CTNNA3: variants seen among roughly 807,000 people sequenced by gnomAD.
CTNNA3 encodes catenin alpha 3, also known as catenin alpha-3.
Under a neutral mutation model 95.7 loss-of-function variants are expected in CTNNA3, and 76 were observed. That is an observed-to-expected ratio of 0.79 (90% CI 0.66 to 0.96). The LOEUF (loss-of-function observed/expected upper bound fraction) is 0.96, where lower values mean the gene tolerates loss of function less well. Among genes scored for constraint, CTNNA3 ranks in the 40% least tolerant of loss-of-function variants. The probability of loss-of-function intolerance (pLI) is 0.00; values close to 1 mark genes in which losing one functional copy is unlikely to be tolerated. For missense variants in CTNNA3, 1,191 were observed against 1,089.8 expected (o/e 1.09, Z -1.31); for synonymous variants, 431 against 374.4 (o/e 1.15, Z -1.74).
At chr10:66,393,944 A>G (rs1447186902) in intron 11 of CTNNA3, among the ~76,000 whole-genome samples, 5 of 152,060 alleles carry the variant, frequency 3.3e-5, no homozygotes. Context: ...TCTGACTTCA[A>G]GATAAGGTGA....
intron 9 of CTNNA3, among the ~76,000 whole-genome samples, chr10:66,677,234 C>T (rs1846890537): frequency 6.6e-6 from 1 of 151,452 alleles, no homozygotes; most frequent in Non-Finnish European, 1.5e-5. Context: ...AATTGTTCAG[C>T]ATATTATTTA....
chr10:67,660,462 T>C (rs1840146762), intron 1 of CTNNA3, among the ~76,000 whole-genome samples: 1 of 151,970 alleles, frequency 6.6e-6, no homozygotes, highest in African/African-American at 2.4e-5. Context: ...CAATTTGCTG[T>C]GGAATTACAC....
intron 7 of CTNNA3, among the ~76,000 whole-genome samples, chr10:66,943,870 C>A (rs1848149391): frequency 6.6e-6 from 1 of 152,152 alleles, no homozygotes; most frequent in African/African-American, 2.4e-5. Context: ...GTCAAAGAAA[C>A]AATGTGCTTA....
intron 7 of CTNNA3, among the ~76,000 whole-genome samples, chr10:66,870,150 A>C (rs919126480): frequency 2.0e-5 from 3 of 152,070 alleles, no homozygotes; most frequent in African/African-American, 7.2e-5. Context: ...ATTTTTTTTT[A>C]AACTTCATTA....
At chr10:66,136,586 T>A (rs1475843649) in intron 13 of CTNNA3, among the ~76,000 whole-genome samples, 1 of 152,184 alleles carries the variant, frequency 6.6e-6, no homozygotes, top group Non-Finnish European at 1.5e-5. Context: ...TCCATCACTT[T>A]CTGACAATCA....
chr10:66,038,639 A>G (rs2079616814), intron 15 of CTNNA3, among the ~76,000 whole-genome samples: 1 of 152,192 alleles, frequency 6.6e-6, no homozygotes, highest in South Asian at 2.1e-4. Flanking sequence ...TGAATGTGTG[A>G]GAGCTTTCAA....
intron 2 of CTNNA3, among the ~76,000 whole-genome samples, chr10:67,627,242 T>C (rs1838989377): frequency 6.6e-6 from 1 of 152,120 alleles, no homozygotes; most frequent in Non-Finnish European, 1.5e-5. Flanking sequence ...CCCAACATTG[T>C]CTTCACAAGT....
rs1267563746 is a variant in CTNNA3 at position 66,537,583 on chromosome 10, AAATT to A, written c.1375-16814_1375-16811del. On this transcript the variant is annotated intron_variant, in intron 10 of 17. Coordinates refer to ENST00000433211, the MANE Select transcript of CTNNA3 (RefSeq NM_013266.4). ...AAATGTATTTATAATAATTATAAAT[AAATT>A]GTTATAATTTTATTTTTAATTTATA... Among the ~76,000 whole-genome samples, 19 of 149,230 alleles carry A rather than the reference AAATT, an allele frequency of 1.3e-4. No individual in the cohort carries two copies. In the East Asian group the frequency reaches 2.9e-3, roughly 23 times the overall value.
rs117241200 is a variant in CTNNA3, at chr10:66,273,477, C to A, written c.1884+6993G>T. On this transcript the variant is annotated intron_variant, in intron 13 of 17. Coordinates refer to ENST00000433211, the MANE Select transcript of CTNNA3 (RefSeq NM_013266.4). ...ATAAGTGAAACCATGAAAATCAAAA[C>A]CATGAATAAGGGGATGTCTACTTCT... Among the ~76,000 whole-genome samples the A allele has an allele frequency of 4.5e-4, 68 of 152,218 alleles. 1 individual carries two copies. In the East Asian group the frequency reaches 0.012, roughly 28 times the overall value.
chr10:66,775,652 T>C (rs1258965317), intron 7 of CTNNA3, 128 bp from the exon 8 acceptor site: 2 of 632,664 alleles, frequency 3.2e-6, no homozygotes, highest in East Asian at 2.7e-5. Context: ...TGCTATATTA[T>C]ATATGATTCA....
At chr10:66,952,320 T>C (rs1327103809) in intron 7 of CTNNA3, among the ~76,000 whole-genome samples, 1 of 152,208 alleles carries the variant, frequency 6.6e-6, no homozygotes, top group Non-Finnish European at 1.5e-5. Flanking sequence ...ATGTCACTTT[T>C]ATACTCAATC....
intron 1 of CTNNA3, among the ~76,000 whole-genome samples, chr10:67,689,371 C>T (rs1445175042): frequency 6.6e-6 from 1 of 152,120 alleles, no homozygotes; most frequent in Non-Finnish European, 1.5e-5. Context: ...AAAATTATGT[C>T]TTTCTGATTG....
chr10:67,316,699 A>G (rs1487106908), intron 5 of CTNNA3, among the ~76,000 whole-genome samples: 3 of 152,228 alleles, frequency 2.0e-5, no homozygotes, highest in Non-Finnish European at 4.4e-5. Flanking sequence ...TAAAGATGAC[A>G]ATATGGAAAT....
intron 7 of CTNNA3, among the ~76,000 whole-genome samples, chr10:67,057,420 T>C (rs547849889): frequency 6.6e-6 from 1 of 152,096 alleles, no homozygotes; most frequent in Admixed American, 6.6e-5. Flanking sequence ...CATCTCTCCA[T>C]TTCTCTCACT....
chr10:67,558,193 G>C (rs1156626274), intron 3 of CTNNA3, among the ~76,000 whole-genome samples: 1 of 152,154 alleles, frequency 6.6e-6, no homozygotes, highest in Non-Finnish European at 1.5e-5. Context: ...TGCAAGAAGA[G>C]CCTTGGAAAT....
rs1402934147 is a variant in CTNNA3, at chr10:67,642,803, T to C, written c.99+4612A>G. On this transcript the variant is annotated intron_variant, in intron 2 of 17. Coordinates refer to ENST00000433211, the MANE Select transcript of CTNNA3 (RefSeq NM_013266.4). The stretch of plus-strand genomic sequence containing the variant: ...TACCATCTCATTGTCAGAATGCTTA[T>C]TAAAAAGTCAAAAAACAACAGATGC... Among the ~76,000 whole-genome samples the C allele has an allele frequency of 2.6e-5, 4 of 152,202 alleles. No individual in the cohort carries two copies. The East Asian group carries it at 7.7e-4, about 29-fold the overall frequency.
chr10:66,422,515 T>C (rs2093204041), intron 11 of CTNNA3, among the ~76,000 whole-genome samples: 1 of 151,652 alleles, frequency 6.6e-6, no homozygotes, highest in Non-Finnish European at 1.5e-5. Flanking sequence ...GATCTTTTTG[T>C]TTCTTTTTCA....
intron 3 of CTNNA3, among the ~76,000 whole-genome samples, chr10:67,574,595 T>C (rs74550028): frequency 6.6e-6 from 1 of 150,660 alleles, no homozygotes; most frequent in Admixed American, 6.6e-5. Flanking sequence ...TTTTTTTTTT[T>C]TTTGAGACGG....
chr10:67,078,692 AT>A (rs1272552154), intron 7 of CTNNA3, among the ~76,000 whole-genome samples: 2 of 151,816 alleles, frequency 1.3e-5, no homozygotes, highest in East Asian at 1.9e-4. Context: ...AATTCTTTGT[AT>A]TTTTAGTAGA....
Sources: allele counts gnomAD v4.1 joint callset (sites outside exome capture counted in the v4.1 genomes callset), GRCh38; gene constraint gnomAD v4.1.1; transcripts MANE v1.5; gene names NCBI Gene and HGNC (gene_info 2026-07-23, HGNC 2026-07-21).